Variants in PAK5 observed in about 807,000 individuals in gnomAD.
PAK5 encodes the protein serine/threonine-protein kinase PAK 5.
PAK5 carries 16 observed loss-of-function variants against 65.9 expected under a neutral mutation model. The ratio of observed to expected loss-of-function variants is 0.24; its 90% confidence interval spans 0.16 to 0.37. The LOEUF (loss-of-function observed/expected upper bound fraction) is 0.37. PAK5 is among the 10% of genes least tolerant of loss of function. The pLI, the probability that PAK5 is intolerant of heterozygous loss-of-function variation, is 1.00. For synonymous variants in PAK5, 371 were observed against 354.9 expected (o/e 1.05, Z -0.51); for missense variants, 785 against 903.9 (o/e 0.87, Z 1.69).
intron 1 of PAK5, among the ~76,000 whole-genome samples, chr20:9,756,762 T>C (rs888272242): frequency 1.3e-5 from 2 of 152,134 alleles, no homozygotes; most frequent in African/African-American, 4.8e-5. Context: ...ACATTAAACT[T>C]TTTTGGACAG....
At chr20:9,802,932 A>ATATATATATATATATATATATATG (rs1171891650) in intron 1 of PAK5, among the ~76,000 whole-genome samples, 10 of 138,442 alleles carry the variant, frequency 7.2e-5, no homozygotes, top group Non-Finnish European at 1.4e-4. Flanking sequence ...ATATATATAT[A>ATATATATATATATATATATATATG]TGAATTACTA....
intron 4 of PAK5, among the ~76,000 whole-genome samples, chr20:9,572,505 A>G (rs1248461620): frequency 1.3e-5 from 2 of 152,356 alleles, no homozygotes; most frequent in East Asian, 3.9e-4. Context: ...CTGATTTACA[A>G]ATACATTCTA....
intron 1 of PAK5, among the ~76,000 whole-genome samples, chr20:9,801,047 T>A (rs994513349): frequency 1.3e-5 from 2 of 152,138 alleles, no homozygotes; most frequent in African/African-American, 4.8e-5. Context: ...CAGTTCACTC[T>A]CACATGCTTT....
At chr20:9,821,224 T>A (rs561017997) in intron 1 of PAK5, among the ~76,000 whole-genome samples, 1 of 152,036 alleles carries the variant, frequency 6.6e-6, no homozygotes, top group African/African-American at 2.4e-5. Flanking sequence ...CTACTAAAAA[T>A]ACAAAATTTA....
chr20:9,776,276 CTA>C (rs2048886189), intron 1 of PAK5, among the ~76,000 whole-genome samples: 1 of 152,132 alleles, frequency 6.6e-6, no homozygotes, highest in African/African-American at 2.4e-5. Context: ...ACTCCATAGT[CTA>C]TATCTTTGCT....
Position 9,566,384 on chromosome 20 carries a change from C to A in PAK5, c.991G>T (p.Val331Leu). Reference sequence around the variant, plus strand: ...ACCATCTGTGCTCGATCGTAATCCACCTGGGAAGACAGACATGGATAGAGA... The same window carrying A: ...ACCATCTGTGCTCGATCGTAATCCAACTGGGAAGACAGACATGGATAGAGA... ...LSEPTMCIPK[V>L]DYDRAQMVLS... Residue 331 changes from valine to leucine, a missense_variant and splice_region_variant, in exon 5 of 10, where the codon GTG becomes TTG. Physicochemically the swap from Val to Leu is conservative, Grantham distance 32. Transcript: ENST00000353224. The A allele has an allele frequency of 6.2e-7, 1 of 1,611,986 alleles. No homozygotes were observed. The highest frequency in any genetic ancestry group is 8.5e-7 in the Non-Finnish European group (1 of 1,179,288).
chr20:9,814,888 G>C (rs1034648012), intron 1 of PAK5, among the ~76,000 whole-genome samples: 2 of 152,088 alleles, frequency 1.3e-5, no homozygotes, highest in Admixed American at 6.6e-5. Context: ...TATACCTGAG[G>C]CTGGGTAATT....
intron 1 of PAK5, among the ~76,000 whole-genome samples, chr20:9,789,511 A>T (rs988118768): frequency 6.6e-6 from 1 of 152,180 alleles, no homozygotes; most frequent in Non-Finnish European, 1.5e-5. Context: ...TAATTTTTCT[A>T]AAAACATTGC....
chr20:9,749,188 T>C (rs943791365), intron 1 of PAK5, among the ~76,000 whole-genome samples: 3 of 152,196 alleles, frequency 2.0e-5, no homozygotes, highest in African/African-American at 7.2e-5. Context: ...ACATTATTAT[T>C]TCAAATACTT....
chr20:9,540,872 G>A (rs1373340421), intron 9 of PAK5, among the ~76,000 whole-genome samples: 1 of 152,028 alleles, frequency 6.6e-6, no homozygotes, highest in African/African-American at 2.4e-5. Context: ...GAGTAGCTGG[G>A]ACTACAGGCA....
chr20:9,760,068 A>G (rs887753244), intron 1 of PAK5, among the ~76,000 whole-genome samples: 39 of 152,174 alleles, frequency 2.6e-4, no homozygotes, highest in Admixed American at 2.5e-3. Flanking sequence ...TGAACCATGT[A>G]GCTGTCCTTC....
chr20:9,583,424 T>C (rs1603230460), intron 3 of PAK5, among the ~76,000 whole-genome samples: 1 of 152,378 alleles, frequency 6.6e-6, no homozygotes, highest in Non-Finnish European at 1.5e-5. Flanking sequence ...TCAACTCAAG[T>C]ACCATGTTTA....
At chr20:9,806,496 A>G (rs1173846970) in intron 1 of PAK5, among the ~76,000 whole-genome samples, 1 of 152,052 alleles carries the variant, frequency 6.6e-6, no homozygotes, top group African/African-American at 2.4e-5. Flanking sequence ...TAAAGACCCT[A>G]CCTCCTATAT....
rs982027911 is a variant in PAK5, at chr20:9,655,986, G to A, written c.-11-11647C>T. Among the ~76,000 whole-genome samples, 5 of 152,078 alleles carry A rather than the reference G, an allele frequency of 3.3e-5. No individual in the cohort carries two copies. In the South Asian group the frequency reaches 1.0e-3, roughly 32 times the overall value. ...ATTTTAATTTAATCATCTCTTTAAA[G>A]TCCCTACCTCCCAAATTCAGTCACA... is the stretch of plus-strand genomic sequence containing the variant. On this transcript the variant is annotated intron_variant, in intron 2 of 9. Transcript: ENST00000353224.
intron 1 of PAK5, among the ~76,000 whole-genome samples, chr20:9,805,841 T>A (rs191775659): frequency 7.9e-5 from 12 of 152,312 alleles, no homozygotes; most frequent in East Asian, 3.9e-4. Context: ...CTTTCAATAG[T>A]CTAACAATCA....
In PAK5 at chr20:9,713,916, A is replaced by T. The variant is rs189649506; in HGVS notation, c.-161-2481T>A. 4.5e-3 allele frequency among the ~76,000 whole-genome samples: 680 copies of T among 152,180 alleles called. 3 individuals are homozygous for T. Among genetic ancestry groups the T allele is most frequent in the African/African-American group, 0.013 (549 of 41,564 alleles). The stretch of plus-strand genomic sequence containing the variant: ...AATGAGTACAAAAATATAGTTAGAT[A>T]GAAGGAATAAGTTCTAATATTTGGG... On this transcript the variant is annotated intron_variant, in intron 1 of 9. Coordinates refer to ENST00000353224, the MANE Select transcript of PAK5 (RefSeq NM_177990.4).
In PAK5 at chr20:9,739,165, C is replaced by G. The variant is rs558430580; in HGVS notation, c.-161-27730G>C. Among the ~76,000 whole-genome samples, 8 of 152,094 alleles carry G rather than the reference C, an allele frequency of 5.3e-5. No individual in the cohort carries two copies. The East Asian group carries it at 1.5e-3, about 29-fold the overall frequency. ...GCAAAGTCTCTCAAATATCATGATG[C>G]CACACCACAGTGAAACATTTTTCTT... On this transcript the variant is annotated intron_variant, in intron 1 of 9. Transcript: ENST00000353224.
At chr20:9,653,061 C>T (rs2047221694) in intron 2 of PAK5, among the ~76,000 whole-genome samples, 1 of 152,208 alleles carries the variant, frequency 6.6e-6, no homozygotes, top group African/African-American at 2.4e-5. Flanking sequence ...TTCAACTCCT[C>T]ACCCTGGCTT....
intron 1 of PAK5, among the ~76,000 whole-genome samples, chr20:9,743,958 A>T (rs2048478958): frequency 6.6e-6 from 1 of 152,188 alleles, no homozygotes; most frequent in South Asian, 2.1e-4. Flanking sequence ...ATATCCTTAC[A>T]ACAGAGAGAC....
Sources: gnomAD v4.1 joint callset for allele counts (sites outside exome capture counted in the v4.1 genomes callset) on GRCh38, gnomAD v4.1.1 for gene constraint, MANE v1.5 for transcripts, NCBI Gene and HGNC (gene_info 2026-07-23, HGNC 2026-07-21) for gene names.